LY9: variants seen among roughly 807,000 people sequenced by gnomAD.
The protein encoded by LY9 is T-lymphocyte surface antigen Ly-9.
Under a neutral mutation model 64.6 loss-of-function variants are expected in LY9, and 59 were observed. The observed-to-expected ratio is 0.91, with a 90% CI of 0.74 to 1.13. The LOEUF (loss-of-function observed/expected upper bound fraction) is 1.13. LY9 is among the 50% of genes most tolerant of loss of function. LY9 has a pLI of 0.00. For missense variants in LY9, 789 were observed against 797.2 expected (o/e 0.99, Z 0.12); for synonymous variants, 281 against 308.5 (o/e 0.91, Z 0.93).
chr1:160,820,830 T>C (rs984819389), intron 7 of LY9, among the ~76,000 whole-genome samples: 2 of 143,872 alleles, frequency 1.4e-5, no homozygotes, highest in Non-Finnish European at 3.0e-5. Context: ...CAATTTGTTG[T>C]TTAATTGAAT....
At chr1:160,809,157 G>A (rs1234166360) in intron 2 of LY9, among the ~76,000 whole-genome samples, 2 of 151,102 alleles carry the variant, frequency 1.3e-5, no homozygotes, top group Non-Finnish European at 2.9e-5. Flanking sequence ...ATATATATAT[G>A]GGGTCAAATT....
intron 2 of LY9, among the ~76,000 whole-genome samples, chr1:160,808,548 A>T (rs541507575): frequency 6.6e-6 from 1 of 152,138 alleles, no homozygotes; most frequent in Non-Finnish European, 1.5e-5. Flanking sequence ...CCAGGACTGC[A>T]TGATTCTGCA....
At chr1:160,800,163 T>G in intron 2 of LY9, 81 bp downstream of exon 2, 1 of 1,102,878 alleles carries the variant, frequency 9.1e-7, no homozygotes, top group South Asian at 1.5e-5. Flanking sequence ...TGAAATTTTG[T>G]TATATGTATA....
chr1:160,817,145 A>G (rs1045448286), intron 5 of LY9, among the ~76,000 whole-genome samples: 2 of 152,232 alleles, frequency 1.3e-5, no homozygotes, highest in African/African-American at 4.8e-5. Context: ...AAAAAAATTC[A>G]TTAGACACTA....
chr1:160,824,356 T>A, intron 9 of LY9, 107 bp downstream of exon 9: 1 of 1,542,588 alleles, frequency 6.5e-7, no homozygotes, highest in Non-Finnish European at 8.7e-7. Context: ...GGATCTTAAA[T>A]TCTACCCACT....
intron 2 of LY9, among the ~76,000 whole-genome samples, chr1:160,805,919 C>CTTTTT (rs60244350): frequency 5.5e-5 from 4 of 72,456 alleles, no homozygotes; most frequent in Admixed American, 1.4e-4. Flanking sequence ...CATTCTTTGT[C>CTTTTT]TTTTTTTTTT....
intron 2 of LY9, chr1:160,802,615 C>T: frequency 2.0e-6 from 2 of 985,424 alleles, no homozygotes; most frequent in Non-Finnish European, 2.4e-6. Flanking sequence ...CGTGTGGACC[C>T]CATTTTATTT....
chr1:160,823,383 A>T, intron 7 of LY9, 82 bp from the exon 8 acceptor site: 1 of 1,048,956 alleles, frequency 9.5e-7, no homozygotes, highest in Non-Finnish European at 1.4e-6. Flanking sequence ...TGCAGGCATC[A>T]GAGCAGGCTG....
At chr1:160,797,161 C>A in intron 1 of LY9, 1 of 985,524 alleles carries the variant, frequency 1.0e-6, no homozygotes, top group Non-Finnish European at 1.2e-6. Context: ...ACCCCACTGT[C>A]CAGCAGATAG....
Position 160,828,005 on chromosome 1 carries a change from C to G in LY9, c.*189C>G, listed in dbSNP as rs1668951687. ...CCCAAACCCATTAATAGTTCAGACA[C>G]AGGCTCCTTCTTGGAGCCTATGGGC... On this transcript the variant is annotated 3_prime_UTR_variant, in exon 10 of 10. Coordinates refer to ENST00000263285, the MANE Select transcript of LY9 (RefSeq NM_002348.4). The G allele has an allele frequency of 4.6e-6, 2 of 439,388 alleles. No individual in the cohort carries two copies. The highest frequency in any genetic ancestry group is 7.5e-5 in the East Asian group (2 of 26,714). 27.2% of individuals were successfully genotyped at this position (439,388 alleles called of 1,614,324 possible). A position where few individuals can be genotyped will look rare whatever the true frequency, so the allele number is the denominator to read the frequency against.
chr1:160,823,279 A>G (rs1668616759), intron 7 of LY9, among the ~76,000 whole-genome samples, 186 bp from the exon 8 acceptor site: 1 of 152,262 alleles, frequency 6.6e-6, no homozygotes, highest in South Asian at 2.1e-4. Flanking sequence ...GAATAAATGA[A>G]TGCTTGAAAG....
intron 2 of LY9, among the ~76,000 whole-genome samples, chr1:160,804,963 T>C (rs1666837828): frequency 6.6e-6 from 1 of 152,162 alleles, no homozygotes; most frequent in Non-Finnish European, 1.5e-5. Flanking sequence ...CCACTTTTTC[T>C]GATTTTGTTT....
Position 160,813,702 on chromosome 1 carries a change from T to A in LY9, c.521T>A (p.Ile174Asn). 4 of 1,614,128 alleles carry A rather than the reference T, an allele frequency of 2.5e-6. No homozygotes were observed. Among genetic ancestry groups the A allele is most frequent in the Non-Finnish European group, 3.4e-6 (4 of 1,180,010 alleles). Residue 174 changes from isoleucine (I) to asparagine (N), a missense_variant, in exon 3 of 10, where the codon ATC (isoleucine) becomes AAC (asparagine). Transcript: ENST00000263285. ...GTGTCTGAGAACTTCTCCTGTAACA[T>A]CACTCTAATGTGCTCCGTGAAGGGG... is the stretch of plus-strand genomic sequence containing the variant. The part of the protein sequence containing the change: ...VKVSENFSCN[I>N]TLMCSVKGAE...
chr1:160,814,212 G>A (rs888681520), intron 3 of LY9, among the ~76,000 whole-genome samples: 1 of 152,150 alleles, frequency 6.6e-6, no homozygotes, highest in Admixed American at 6.5e-5. Context: ...GGGCAGAGAG[G>A]GGACATGAGA....
chr1:160,826,855 T>G (rs1276617024), intron 9 of LY9, among the ~76,000 whole-genome samples: 4 of 152,186 alleles, frequency 2.6e-5, no homozygotes, highest in African/African-American at 9.7e-5. Context: ...TTCCCAGAGC[T>G]GCTTTCTACT....
chr1:160,827,732 G>T lies in LY9; in HGVS notation c.1900-16G>T. On this transcript the variant is annotated splice_polypyrimidine_tract_variant and intron_variant, in intron 9 of 9. Coordinates refer to ENST00000263285, the MANE Select transcript of LY9 (RefSeq NM_002348.4). ...GCTTTATTAACCATATTCTTTTGTG[G>T]ATTTTTGGCTCACAGGTGGTGCCAC... 1 of 1,597,812 alleles carries T rather than the reference G, an allele frequency of 6.3e-7. No homozygotes were observed. Among genetic ancestry groups the T allele is most frequent in the South Asian group, 1.1e-5 (1 of 88,846 alleles).
rs1394584189 is a variant in LY9 at position 160,813,906 on chromosome 1, G to C, written c.725G>C (p.Cys242Ser). The C allele has an allele frequency of 4.3e-6, 7 of 1,612,450 alleles. No individual in the cohort carries two copies. Among genetic ancestry groups the C allele is most frequent in the Non-Finnish European group, 5.9e-6 (7 of 1,179,142 alleles). ...SSLPVHVGQF[C>S]TDPGASRGGT... ...CTCCCTGTCCATGTTGGGCAGTTCT[G>C]TACAGGTAACTGGCTCCAACTTGGC... Residue 242 changes from cysteine (C) to serine (S), a missense_variant, in exon 3 of 10, where the codon TGT becomes TCT. Physicochemically the swap from Cys to Ser is moderately radical, Grantham distance 112. Coordinates refer to ENST00000263285, the MANE Select transcript of LY9 (RefSeq NM_002348.4).
chr1:160,820,651 G>C (rs576393836), intron 7 of LY9, among the ~76,000 whole-genome samples: 2 of 152,104 alleles, frequency 1.3e-5, no homozygotes, highest in Admixed American at 1.3e-4. Context: ...CCCCCTGCCT[G>C]AACCCTCCTT....
intron 1 of LY9, chr1:160,797,211 G>A: frequency 4.1e-6 from 4 of 985,532 alleles, no homozygotes; most frequent in Non-Finnish European, 4.8e-6. Flanking sequence ...AGCCACCTGG[G>A]ACTGTGGCAG....
Sources: allele counts gnomAD v4.1 joint callset (sites outside exome capture counted in the v4.1 genomes callset), GRCh38; gene constraint gnomAD v4.1.1; transcripts MANE v1.5; gene names NCBI Gene and HGNC (gene_info 2026-07-23, HGNC 2026-07-21).